Variants in RAP1GDS1 observed in about 807,000 individuals in gnomAD.
The protein encoded by RAP1GDS1 is Rap1 GTPase-GDP dissociation stimulator 1, also known as RAP1, GTP-GDP dissociation stimulator 1.
RAP1GDS1 carries 35 observed loss-of-function variants against 71.1 expected under a neutral mutation model. The ratio of observed to expected loss-of-function variants is 0.49; its 90% CI spans 0.38 to 0.65. The LOEUF is 0.65. Ranked by LOEUF, RAP1GDS1 falls within the 30% of genes least tolerant of loss-of-function variation. RAP1GDS1 has a pLI of 0.00. For missense variants in RAP1GDS1, 663 were observed against 706.1 expected, an observed-to-expected ratio of 0.94 and a Z score of 0.69; for synonymous variants, 229 against 243.1, an observed-to-expected ratio of 0.94 and a Z score of 0.54.
intron 2 of RAP1GDS1, among the ~76,000 whole-genome samples, chr4:98,321,293 G>C (rs1339138666): frequency 6.7e-6 from 1 of 149,356 alleles, no homozygotes. Context: ...ATCTACGTCT[G>C]ATTGGTGTAC....
chr4:98,317,828 T>A (rs36058719), intron 2 of RAP1GDS1, among the ~76,000 whole-genome samples: 11,249 of 147,882 alleles, frequency 0.076, 626 homozygotes, highest in African/African-American at 0.16. Flanking sequence ...ATATATATAT[T>A]TTTTTTTCTT....
chr4:98,403,202 C>T (rs1386100060), intron 6 of RAP1GDS1, among the ~76,000 whole-genome samples: 5 of 152,050 alleles, frequency 3.3e-5, no homozygotes, highest in Non-Finnish European at 7.4e-5. Context: ...AAAGATAACC[C>T]AGGAGGCCAG....
At chr4:98,319,042 T>G (rs1301853571) in intron 2 of RAP1GDS1, among the ~76,000 whole-genome samples, 1 of 152,210 alleles carries the variant, frequency 6.6e-6, no homozygotes, top group Non-Finnish European at 1.5e-5. Context: ...GTTAGACTGA[T>G]AGAAACCTAG....
In RAP1GDS1 at chr4:98,443,466, C is replaced by T. The variant is rs1752116410; in HGVS notation, c.*1349C>T. On this transcript the variant is annotated 3_prime_UTR_variant, in exon 15 of 15. Coordinates refer to ENST00000408927, the MANE Select transcript of RAP1GDS1 (RefSeq NM_001100427.2). Reference sequence around the variant, plus strand: ...TCCCCATACCCAAATTTGACCACTACTGGCCTAAAAGGCAAGATGGGCTTC... The same window carrying T: ...TCCCCATACCCAAATTTGACCACTATTGGCCTAAAAGGCAAGATGGGCTTC... The T allele has an allele frequency of 4.3e-6, 1 of 230,280 alleles. No homozygotes were observed. The highest frequency in any genetic ancestry group is 6.2e-5 in the East Asian group (1 of 16,232). 14.3% of individuals were successfully genotyped at this position (230,280 alleles called of 1,614,324 possible). A position where few individuals can be genotyped will look rare whatever the true frequency, so the allele number is the denominator to read the frequency against.
intron 1 of RAP1GDS1, among the ~76,000 whole-genome samples, chr4:98,279,552 A>G (rs1724747459): frequency 6.6e-6 from 1 of 151,882 alleles, no homozygotes; most frequent in African/African-American, 2.4e-5. Flanking sequence ...TTATTTATAT[A>G]TACTTACATG....
intron 4 of RAP1GDS1, among the ~76,000 whole-genome samples, chr4:98,376,407 GA>G (rs1402677030): frequency 2.6e-5 from 4 of 151,970 alleles, no homozygotes; most frequent in African/African-American, 9.7e-5. Flanking sequence ...GTTAACTATG[GA>G]AAACCAATTT....
intron 4 of RAP1GDS1, among the ~76,000 whole-genome samples, chr4:98,361,226 C>CAT (rs763237174): frequency 1.1e-4 from 16 of 151,098 alleles, no homozygotes; most frequent in Non-Finnish European, 1.9e-4. Flanking sequence ...TATATATATA[C>CAT]ATATATATAT....
intron 4 of RAP1GDS1, among the ~76,000 whole-genome samples, chr4:98,354,714 A>AT (rs748569835): frequency 1.3e-5 from 2 of 152,066 alleles, no homozygotes; most frequent in Non-Finnish European, 1.5e-5. Context: ...TATGAAGTTA[A>AT]TTTTTTTCAT....
intron 2 of RAP1GDS1, among the ~76,000 whole-genome samples, chr4:98,317,372 C>T (rs1426430196): frequency 6.6e-6 from 1 of 152,130 alleles, no homozygotes; most frequent in Non-Finnish European, 1.5e-5. Flanking sequence ...TGTTAGGCTG[C>T]TATGTATTAC....
At chr4:98,354,124 G>A (rs1450671922) in intron 4 of RAP1GDS1, among the ~76,000 whole-genome samples, 2 of 149,518 alleles carry the variant, frequency 1.3e-5, no homozygotes, top group African/African-American at 4.9e-5. Context: ...CTGCAGTGGC[G>A]CAATCTCGGC....
At chr4:98,427,116 A>G in intron 12 of RAP1GDS1, among the ~76,000 whole-genome samples, 1 of 152,206 alleles carries the variant, frequency 6.6e-6, no homozygotes, top group Non-Finnish European at 1.5e-5. Flanking sequence ...TAAAACAAAA[A>G]TCACATGATC....
Position 98,443,015 on chromosome 4 carries a change from A to ATTTTTTTTTGTTTTTTTTTTTTTTTTTT in RAP1GDS1, c.*907_*908insGTTTTTTTTTTTTTTTTTTTTTTTTTTT. The ATTTTTTTTTGTTTTTTTTTTTTTTTTTT allele has an allele frequency of 7.4e-6, 1 of 135,204 alleles. No individual in the cohort carries two copies. Among genetic ancestry groups the ATTTTTTTTTGTTTTTTTTTTTTTTTTTT allele is most frequent in the Non-Finnish European group, 1.4e-5 (1 of 73,842 alleles). 8.4% of individuals were successfully genotyped at this position (135,204 alleles called of 1,614,324 possible). The stretch of plus-strand genomic sequence containing the variant: ...TGAGTATAGTTCATTGAAGAATGGA[A>ATTTTTTTTTGTTTTTTTTTTTTTTTTTT]TTTTTTTTTTTTTTTTTTTTTTTGC... On this transcript the variant is annotated 3_prime_UTR_variant, in exon 15 of 15. Coordinates refer to ENST00000408927, the MANE Select transcript of RAP1GDS1 (RefSeq NM_001100427.2).
intron 2 of RAP1GDS1, among the ~76,000 whole-genome samples, chr4:98,320,708 G>T (rs1441304948): frequency 6.6e-6 from 1 of 151,666 alleles, no homozygotes. Flanking sequence ...GCAGCTGAGG[G>T]ACCTGTCTGT....
At chr4:98,433,712 G>A (rs1421251032) in intron 12 of RAP1GDS1, among the ~76,000 whole-genome samples, 4 of 152,270 alleles carry the variant, frequency 2.6e-5, no homozygotes, top group South Asian at 4.1e-4. Context: ...ATGAACTGCA[G>A]TGGTCTTTTC....
rs941331541 is a variant in RAP1GDS1, at chr4:98,433,883, G to A, written c.1441-53G>A. ...AATGAGTTGACTGATTTTAATGCAT[G>A]TTCCTTATGTTTAAAATTAAAGTCT... is the stretch of plus-strand genomic sequence containing the variant. On this transcript the variant is annotated intron_variant, in intron 12 of 14. Coordinates refer to ENST00000408927, the MANE Select transcript of RAP1GDS1 (RefSeq NM_001100427.2). 1.9e-5 allele frequency: 29 copies of A among 1,515,652 alleles called. No homozygotes were observed. In the African/African-American group the frequency reaches 2.8e-4, roughly 14 times the overall value. The allele number at this position is 1,515,652 out of a possible 1,614,324, so 93.9% of individuals were successfully genotyped here.
chr4:98,270,500 G>A (rs1407372189), intron 1 of RAP1GDS1, among the ~76,000 whole-genome samples: 1 of 152,106 alleles, frequency 6.6e-6, no homozygotes, highest in Admixed American at 6.6e-5. Flanking sequence ...CATTTCTCAA[G>A]CTGGCTAAGA....
intron 4 of RAP1GDS1, among the ~76,000 whole-genome samples, chr4:98,365,443 C>T (rs1560906909): frequency 6.7e-6 from 1 of 149,418 alleles, no homozygotes; most frequent in South Asian, 2.1e-4. Context: ...GGCGGAACCC[C>T]CTATCCCCTC....
At chr4:98,323,013 A>G (rs543144211) in intron 2 of RAP1GDS1, among the ~76,000 whole-genome samples, 1 of 151,596 alleles carries the variant, frequency 6.6e-6, no homozygotes, top group African/African-American at 2.4e-5. Context: ...AACAAAATTG[A>G]TAGACCGCTA....
intron 2 of RAP1GDS1, among the ~76,000 whole-genome samples, chr4:98,330,551 G>T (rs555086224): frequency 6.6e-6 from 1 of 151,138 alleles, no homozygotes; most frequent in Non-Finnish European, 1.5e-5. Context: ...CAGACGGGGC[G>T]GCCGGACAGA....
Sources: gnomAD v4.1 joint callset for allele counts (sites outside exome capture counted in the v4.1 genomes callset) on GRCh38, gnomAD v4.1.1 for gene constraint, MANE v1.5 for transcripts, NCBI Gene and HGNC (gene_info 2026-07-23, HGNC 2026-07-21) for gene names.